Variants in ZCWPW1 observed in about 807,000 individuals in gnomAD.
ZCWPW1 encodes zinc finger CW-type and PWWP domain containing 1, also known as zinc finger CW-type PWWP domain protein 1.
Under a neutral mutation model 81.3 loss-of-function variants are expected in ZCWPW1, and 56 were observed. That is an observed-to-expected ratio of 0.69 (90% CI 0.56 to 0.86). The LOEUF is 0.86. Among genes scored for constraint, ZCWPW1 ranks in the 40% least tolerant of loss-of-function variants. The pLI is 0.00. For synonymous variants in ZCWPW1, 250 were observed against 273.7 expected, an observed-to-expected ratio of 0.91 and a Z score of 0.86; for missense variants, 650 against 769.8, an observed-to-expected ratio of 0.84 and a Z score of 1.84.
At chr7:100,422,613 G>A (rs1796557736) in intron 2 of ZCWPW1, among the ~76,000 whole-genome samples, 3 of 152,204 alleles carry the variant, frequency 2.0e-5, no homozygotes, top group East Asian at 3.9e-4. Context: ...AGGGGTACAT[G>A]TGCAGGTTTG....
At position 100,404,288 on chromosome 7, in the gene ZCWPW1, G is replaced by A. The variant is rs775218882; in HGVS notation, c.1255-44C>T. On this transcript the variant is annotated intron_variant, in intron 13 of 17. Transcript: ENST00000684423. ...AAAAGCATCATCCACTACCCTTTCA[G>A]GCGCAGCTTTTGCCTTCTGTCTTCT... 5 of 1,582,396 alleles carry A rather than the reference G, an allele frequency of 3.2e-6. No individual in the cohort carries two copies. The South Asian group carries it at 5.7e-5, about 18-fold the overall frequency.
At chr7:100,417,352 T>A in intron 5 of ZCWPW1, 169 bp from the exon 6 acceptor site, 3 of 562,874 alleles carry the variant, frequency 5.3e-6, no homozygotes, top group Non-Finnish European at 9.3e-6. Flanking sequence ...CAAATATGTA[T>A]CTTTCTGCAA....
intron 12 of ZCWPW1, 39 bp from the exon 13 acceptor site, chr7:100,405,132 T>A: frequency 6.3e-7 from 1 of 1,593,930 alleles, no homozygotes; most frequent in South Asian, 1.1e-5. Flanking sequence ...AATATTGACT[T>A]AAAGATTAGA....
intron 3 of ZCWPW1, 98 bp downstream of exon 3, chr7:100,420,524 G>A: frequency 6.9e-7 from 1 of 1,459,418 alleles, no homozygotes; most frequent in East Asian, 2.3e-5. Flanking sequence ...AGTGGGCACA[G>A]AATATAGGGA....
chr7:100,412,377 A>T (rs1383259080), intron 8 of ZCWPW1, among the ~76,000 whole-genome samples: 1 of 151,782 alleles, frequency 6.6e-6, no homozygotes, highest in Non-Finnish European at 1.5e-5. Flanking sequence ...TATATTACAA[A>T]TTTTTTCTTC....
chr7:100,405,157 C>T (rs928848096), intron 12 of ZCWPW1, 64 bp from the exon 13 acceptor site: 57 of 1,497,210 alleles, frequency 3.8e-5, no homozygotes, highest in Non-Finnish European at 4.9e-5. Context: ...TGACCAGGTG[C>T]GGTGGCTCAC....
Position 100,419,897 on chromosome 7 carries a change from G to C in ZCWPW1, c.29-14C>G, listed in dbSNP as rs1023519741. 1.3e-6 allele frequency: 2 copies of C among 1,548,308 alleles called. No individual in the cohort carries two copies. The highest frequency in any genetic ancestry group is 2.4e-5 in the South Asian group (2 of 81,792). ...CCTTTCCACATTCTGAAAGAAATGT[G>C]ATCAAGTGGAATTTATGAAACATAC... On this transcript the variant is annotated splice_polypyrimidine_tract_variant and intron_variant, in intron 3 of 17. Transcript: ENST00000684423.
rs1795412568 is a variant in ZCWPW1, at chr7:100,417,114, T to C, written c.431A>G (p.Lys144Arg). The C allele has an allele frequency of 6.2e-7, 1 of 1,614,096 alleles. No individual in the cohort carries two copies. ...AGCAGAAGCAGTAATTCCTGGCTCC[T>C]TGTCTGATTGGGTAGATACTACGGG... is the stretch of plus-strand genomic sequence containing the variant. ...AQPVVSTQSD[K>R]EPGITASATD... Residue 144 changes from lysine to arginine, a missense_variant, in exon 6 of 18, where the codon AAG (lysine) becomes AGG (arginine). Coordinates refer to ENST00000684423, the MANE Select transcript of ZCWPW1 (RefSeq NM_001386010.1).
At chr7:100,403,866 G>T in intron 14 of ZCWPW1, 81 bp from the exon 15 acceptor site, 1 of 1,368,320 alleles carries the variant, frequency 7.3e-7, no homozygotes. Flanking sequence ...CAAAGAATCT[G>T]TCTTCTAACT....
At chr7:100,420,545 C>A (rs895705064) in intron 3 of ZCWPW1, 77 bp downstream of exon 3, 2 of 1,580,122 alleles carry the variant, frequency 1.3e-6, no homozygotes, top group Non-Finnish European at 1.7e-6. Context: ...CCCGTACCAT[C>A]CTTTGGTGGA....
In ZCWPW1 at chr7:100,401,013, G is replaced by A; in HGVS notation, c.*1C>T. On this transcript the variant is annotated 3_prime_UTR_variant, in exon 18 of 18. Transcript: ENST00000684423. ...AAAAAGAGGGAGCAGAGGAGCACCA[G>A]CTACTTCCCAAACAGCGCCACGGGG... is the stretch of plus-strand genomic sequence containing the variant. 1 of 1,603,026 alleles carries A rather than the reference G, an allele frequency of 6.2e-7. No homozygotes were observed. The highest frequency in any genetic ancestry group is 8.5e-7 in the Non-Finnish European group (1 of 1,173,142).
rs901760600 is a variant in ZCWPW1, at chr7:100,401,193, T to G, written c.1771A>C (p.Arg591=). 1.9e-6 allele frequency: 3 copies of G among 1,614,128 alleles called. No individual in the cohort carries two copies. The African/African-American group carries it at 4.0e-5, about 22-fold the overall frequency. Reference sequence around the variant, plus strand: ...TCCTGGGTCAGGGGTTCCCGGTGTCTGGGCTCTTCTTTCGCAGATGAGGGG... The same window carrying G: ...TCCTGGGTCAGGGGTTCCCGGTGTCGGGGCTCTTCTTTCGCAGATGAGGGG... The part of the protein sequence containing the change: ...ACPSSAKEEP[R]HREPLTQEAG... Residue 591 remains arginine (R), a synonymous_variant, in exon 18 of 18, where the codon AGA becomes CGA. Coordinates refer to ENST00000684423, the MANE Select transcript of ZCWPW1 (RefSeq NM_001386010.1).
In ZCWPW1 at chr7:100,405,046, C is replaced by CA. The variant is rs1411995503; in HGVS notation, c.1220dup (p.Met407IlefsTer16). The CA allele has an allele frequency of 3.7e-6, 6 of 1,613,532 alleles. No individual in the cohort carries two copies. The highest frequency in any genetic ancestry group is 5.1e-6 in the Non-Finnish European group (6 of 1,179,834). ...TGATCTGTTCTGCCTCTTGAGCCAT[C>CA]ATCAGGGCCACCCCCAGTTTCTGGC... On this transcript the variant is annotated frameshift_variant, in exon 13 of 18. Transcript: ENST00000684423. LOFTEE classifies it high-confidence loss of function.
intron 2 of ZCWPW1, among the ~76,000 whole-genome samples, chr7:100,423,515 A>G (rs1016390849): frequency 1.3e-5 from 2 of 152,212 alleles, no homozygotes; most frequent in African/African-American, 4.8e-5. Flanking sequence ...TGGCCACAGC[A>G]TGGCTAAATG....
chr7:100,417,814 G>A (rs569818771), intron 5 of ZCWPW1, among the ~76,000 whole-genome samples: 4 of 152,206 alleles, frequency 2.6e-5, no homozygotes, highest in South Asian at 4.1e-4. Context: ...ATGTCAGACT[G>A]TTCTCTTCAG....
At chr7:100,417,752 T>C (rs1795594168) in intron 5 of ZCWPW1, among the ~76,000 whole-genome samples, 1 of 152,018 alleles carries the variant, frequency 6.6e-6, no homozygotes, top group African/African-American at 2.4e-5. Flanking sequence ...GTATTTTATA[T>C]CATTTGTTGC....
intron 11 of ZCWPW1, 105 bp from the exon 12 acceptor site, chr7:100,406,903 T>G (rs1267930325): frequency 1.9e-5 from 19 of 1,016,882 alleles, no homozygotes; most frequent in Non-Finnish European, 2.6e-5. Context: ...AAGGAGGTGC[T>G]GGGCCTCACA....
rs971401816 is a variant in ZCWPW1, at chr7:100,400,889, T to C, written c.*125A>G. ...CAACCCAGTCGACTGTAACCTGCTT[T>C]ATTAACACAGAAACTGCACCACACA... On this transcript the variant is annotated 3_prime_UTR_variant, in exon 18 of 18. Transcript: ENST00000684423. 8.8e-7 allele frequency: 1 copy of C among 1,133,594 alleles called. No homozygotes were observed. The highest frequency in any genetic ancestry group is 1.2e-6 in the Non-Finnish European group (1 of 830,190). The allele number at this position is 1,133,594 out of a possible 1,614,324, so 70.2% of individuals were successfully genotyped here.
chr7:100,404,984 G>C (rs1224356488), intron 13 of ZCWPW1, 29 bp downstream of exon 13: 6 of 1,601,754 alleles, frequency 3.7e-6, no homozygotes, highest in Non-Finnish European at 5.1e-6. Flanking sequence ...GTAGGGAAAG[G>C]AATGGGTGTG....
Sources: gnomAD v4.1 joint callset for allele counts (sites outside exome capture counted in the v4.1 genomes callset) on GRCh38, gnomAD v4.1.1 for gene constraint, MANE v1.5 for transcripts, NCBI Gene and HGNC (gene_info 2026-07-23, HGNC 2026-07-21) for gene names.